Variants in P2RX5 observed in about 807,000 individuals in gnomAD.
P2RX5 encodes the protein purinergic receptor P2X 5, also known as P2X purinoceptor 5.
In P2RX5, 46 loss-of-function variants were observed where a neutral mutation model predicts 54.1. That is an observed-to-expected ratio of 0.85 (90% CI 0.67 to 1.09). The LOEUF is 1.09. P2RX5 is among the 50% of genes least tolerant of loss of function. The probability of loss-of-function intolerance (pLI) is 0.00; values close to 1 mark genes in which losing one functional copy is unlikely to be tolerated. For missense variants in P2RX5, 566 were observed against 549.8 expected (o/e 1.03, Z -0.29); for synonymous variants, 226 against 226.4 (o/e 1.00, Z 0.02).
At chr17:3,708,621 G>A in the P2RX5 span, among the ~76,000 whole-genome samples, 6 of 152,098 alleles carry the variant, frequency 3.9e-5, no homozygotes, top group East Asian at 1.9e-4. Flanking sequence ...AAAGTGGTCC[G>A]GTCTTTCTGG....
At chr17:3,719,075 A>T in the P2RX5 span, among the ~76,000 whole-genome samples, 4 of 150,042 alleles carry the variant, frequency 2.7e-5, no homozygotes, top group Admixed American at 2.6e-4. Flanking sequence ...CTATTTAAAA[A>T]AAATAAATAA....
rs1275717300 is a variant in P2RX5 at position 3,677,255 on chromosome 17, C to T, written c.1259+2335G>A. The T allele has an allele frequency of 3.0e-6, 3 of 985,194 alleles. No homozygotes were observed. The African/African-American group carries it at 5.2e-5, about 17-fold the overall frequency. The allele number at this position is 985,194 out of a possible 1,614,324, so 61.0% of individuals were successfully genotyped here. On this transcript the variant is annotated intron_variant, in intron 11 of 11. Transcript: ENST00000225328. Reference sequence around the variant, plus strand: ...GATCTCATTAGCACTTCAGGCCCAGCCTCTGAGGAGGGGTGGGGAGGGCAG... The same window carrying T: ...GATCTCATTAGCACTTCAGGCCCAGTCTCTGAGGAGGGGTGGGGAGGGCAG...
At chr17:3,694,552 C>G (rs2050705083) in intron 1 of P2RX5, among the ~76,000 whole-genome samples, 2 of 152,188 alleles carry the variant, frequency 1.3e-5, no homozygotes, top group Non-Finnish European at 2.9e-5. Context: ...ATATGTCCTG[C>G]TTTCCCTGCC....
At chr17:3,695,225 G>A (rs2050723607) in intron 1 of P2RX5, among the ~76,000 whole-genome samples, 1 of 152,196 alleles carries the variant, frequency 6.6e-6, no homozygotes, top group Admixed American at 6.5e-5. Context: ...GCCTCCACAA[G>A]TTGCCTCTTT....
intron 1 of P2RX5, among the ~76,000 whole-genome samples, chr17:3,695,566 T>C (rs1357339928): frequency 6.6e-6 from 1 of 151,886 alleles, no homozygotes; most frequent in Non-Finnish European, 1.5e-5. Flanking sequence ...CCCTAACACG[T>C]GGGGACCCGA....
intron 11 of P2RX5, 63 bp downstream of exon 11, chr17:3,679,527 C>A: frequency 6.6e-7 from 1 of 1,510,700 alleles, no homozygotes; most frequent in Middle Eastern, 1.9e-4. Context: ...ATGAGAAGCC[C>A]CAACTGGGGA....
At chr17:3,712,086 A>G in the P2RX5 span, among the ~76,000 whole-genome samples, 1 of 152,228 alleles carries the variant, frequency 6.6e-6, no homozygotes, top group African/African-American at 2.4e-5. Context: ...GGGCTTTTAT[A>G]TAATATGAAA....
At chr17:3,677,238 T>TA in intron 11 of P2RX5, 1 of 985,240 alleles carries the variant, frequency 1.0e-6, no homozygotes, top group Non-Finnish European at 1.2e-6. Context: ...TTGATCTCAT[T>TA]AGCACTTCAG....
chr17:3,710,789 G>T, the P2RX5 span, among the ~76,000 whole-genome samples: 1 of 151,836 alleles, frequency 6.6e-6, no homozygotes, highest in Non-Finnish European at 1.5e-5. Context: ...TTAGTTGGGC[G>T]TGGCGGCATG....
At chr17:3,723,778 C>T in the P2RX5 span, 2 of 1,601,332 alleles carry the variant, frequency 1.2e-6, no homozygotes, top group Non-Finnish European at 1.7e-6. Context: ...ACGCGCTGAA[C>T]AAACCAAGCC....
Position 3,673,336 on chromosome 17 carries a change from G to T in P2RX5, c.*532C>A. The T allele has an allele frequency of 1.0e-6, 1 of 1,003,518 alleles. No homozygotes were observed. The allele number at this position is 1,003,518 out of a possible 1,614,324, so 62.2% of individuals were successfully genotyped here. On this transcript the variant is annotated 3_prime_UTR_variant, in exon 12 of 12. Coordinates refer to ENST00000225328, the MANE Select transcript of P2RX5 (RefSeq NM_002561.4). The stretch of plus-strand genomic sequence containing the variant: ...GCCATCTCCCCCACTTTAATTCTGT[G>T]TACTGGCCTAAGGGCAAACAGCTGG...
chr17:3,703,505 G>C, the P2RX5 span, among the ~76,000 whole-genome samples: 5 of 151,982 alleles, frequency 3.3e-5, no homozygotes, highest in Non-Finnish European at 5.9e-5. Flanking sequence ...TTCAGCCTGG[G>C]TGACACAGAG....
At chr17:3,716,818 C>T in the P2RX5 span, 9 of 1,355,278 alleles carry the variant, frequency 6.6e-6, no homozygotes, top group African/African-American at 5.8e-5. Flanking sequence ...ACAAAGAGAT[C>T]GCCCAATAAA....
Position 3,681,874 on chromosome 17 carries a change from C to G in P2RX5, c.1064+22G>C. Reference sequence around the variant, plus strand: ...GCTCCACAGGGCTGCCCTCGGGCCGCCGGCCTGGAAGCGGAACTGACCTCA... The same window carrying G: ...GCTCCACAGGGCTGCCCTCGGGCCGGCGGCCTGGAAGCGGAACTGACCTCA... On this transcript the variant is annotated intron_variant, in intron 10 of 11. Transcript: ENST00000225328. The G allele has an allele frequency of 2.5e-6, 4 of 1,577,746 alleles. No individual in the cohort carries two copies. In the South Asian group the frequency reaches 4.4e-5, roughly 17 times the overall value.
chr17:3,687,987 T>C (rs1335020600), intron 9 of P2RX5, 25 bp downstream of exon 9: 2 of 756,374 alleles, frequency 2.6e-6, no homozygotes, highest in Non-Finnish European at 4.1e-6. Context: ...CCGCCCAGCC[T>C]CAGAACAGGA....
intron 10 of P2RX5, 89 bp from the exon 11 acceptor site, chr17:3,679,873 G>A (rs779861712): frequency 9.7e-6 from 11 of 1,132,602 alleles, no homozygotes; most frequent in African/African-American, 3.1e-5. Flanking sequence ...AGAATCCCTC[G>A]CCCTGCAGGC....
chr17:3,712,367 C>G, the P2RX5 span, among the ~76,000 whole-genome samples: 1 of 152,096 alleles, frequency 6.6e-6, no homozygotes, highest in Non-Finnish European at 1.5e-5. Context: ...GTACGGGGCT[C>G]CATGAGAGGT....
At chr17:3,722,479 T>TAAA in the P2RX5 span, 2 of 106,870 alleles carry the variant, frequency 1.9e-5, no homozygotes, top group South Asian at 3.1e-4. Flanking sequence ...AGACTCCATC[T>TAAA]AAAAAAAAAA....
At position 3,680,863 on chromosome 17, in the gene P2RX5, G is replaced by A. The variant is rs1225484342; in HGVS notation, c.1064+1033C>T. ...CTCCACCCTGCATCCTCCACCCTGA[G>A]TCCTCCACCCAGTGTCCTCCACCCT... On this transcript the variant is annotated intron_variant, in intron 10 of 11. Coordinates refer to ENST00000225328, the MANE Select transcript of P2RX5 (RefSeq NM_002561.4). Among the ~76,000 whole-genome samples, 13 of 110,030 alleles carry A rather than the reference G, an allele frequency of 1.2e-4. No homozygotes were observed. The East Asian group carries it at 2.4e-3, about 21-fold the overall frequency. The allele number at this position is 110,030 out of a possible 152,430, so 72.2% of individuals were successfully genotyped here. A position where few individuals can be genotyped will look rare whatever the true frequency, so the allele number is the denominator to read the frequency against.
Sources: allele counts gnomAD v4.1 joint callset (sites outside exome capture counted in the v4.1 genomes callset), GRCh38; gene constraint gnomAD v4.1.1; transcripts MANE v1.5; gene names NCBI Gene and HGNC (gene_info 2026-07-23, HGNC 2026-07-21).